The following TEX22 variants were observed in gnomAD, a reference collection of about 807,000 sequenced individuals.
TEX22 encodes the protein testis-expressed protein 22.
A neutral mutation model predicts 11.3 loss-of-function variants in TEX22; 16 were observed. The observed-to-expected ratio is 1.42, with a 90% CI of 0.96 to 2.15. TEX22 has a LOEUF of 2.15. TEX22 is among the 30% of genes most tolerant of loss of function. The pLI, the probability that TEX22 is intolerant of heterozygous loss-of-function variation, is 0.00. For missense variants in TEX22, 220 were observed against 208.6 expected (o/e 1.05, Z -0.34); for synonymous variants, 97 against 92.3 (o/e 1.05, Z -0.29).
At chr14:105,401,906 C>T (rs2081628979) in intron 2 of TEX22, among the ~76,000 whole-genome samples, 1 of 152,178 alleles carries the variant, frequency 6.6e-6, no homozygotes, top group Non-Finnish European at 1.5e-5. Flanking sequence ...AGAAAAATCG[C>T]CAGGTGCGGT....
Position 105,411,425 on chromosome 14 carries a change from G to C in TEX22, c.208G>C (p.Glu70Gln). The C allele has an allele frequency of 8.0e-7, 1 of 1,248,566 alleles. No homozygotes were observed. The highest frequency in any genetic ancestry group is 3.4e-5 in the South Asian group (1 of 29,776). 77.3% of individuals were successfully genotyped at this position (1,248,566 alleles called of 1,614,324 possible). A position where few individuals can be genotyped will look rare whatever the true frequency, so the allele number is the denominator to read the frequency against. The change falls in exon 3 of 4, where the codon GAG becomes CAG. Residue 70 changes from glutamate (E) to glutamine (Q), a missense_variant. Physicochemically the swap from Glu to Gln is conservative, Grantham distance 29. Coordinates refer to ENST00000451127, the MANE Select transcript of TEX22 (RefSeq NM_001195082.2). ...PGRRWSVSID[E>Q]RRRLATLGGR... ...CCGCCGCTGGAGCGTCAGCATCGACGAGCGCCGGCGGCTGGCCACGCTGGG... is the reference window on the plus strand; with the variant it reads ...CCGCCGCTGGAGCGTCAGCATCGACCAGCGCCGGCGGCTGGCCACGCTGGG...
At chr14:105,406,354 G>A (rs1555418871) in intron 2 of TEX22, among the ~76,000 whole-genome samples, 1 of 152,196 alleles carries the variant, frequency 6.6e-6, no homozygotes, top group South Asian at 2.1e-4. Context: ...ACATTCAAAT[G>A]TTTACCAACC....
intron 2 of TEX22, among the ~76,000 whole-genome samples, chr14:105,401,811 A>C (rs1342397463): frequency 6.6e-6 from 1 of 152,168 alleles, no homozygotes; most frequent in Non-Finnish European, 1.5e-5. Context: ...AGCCTGACGG[A>C]GGGGAGCTCT....
chr14:105,407,925 GGTCT>G (rs1274438702), intron 2 of TEX22, among the ~76,000 whole-genome samples: 4 of 147,140 alleles, frequency 2.7e-5, no homozygotes, highest in Admixed American at 6.9e-5. Context: ...TCTGCATGGG[GGTCT>G]GTCTGTGTTA....
chr14:105,406,774 T>C (rs587640146), intron 2 of TEX22, among the ~76,000 whole-genome samples: 3 of 150,906 alleles, frequency 2.0e-5, no homozygotes, highest in Non-Finnish European at 4.4e-5. Context: ...AAGGAAAGAG[T>C]AAGTCTGTTT....
intron 2 of TEX22, among the ~76,000 whole-genome samples, chr14:105,404,440 A>G (rs1595219975): frequency 6.6e-6 from 1 of 152,226 alleles, no homozygotes; most frequent in South Asian, 2.1e-4. Context: ...GGGACGACAC[A>G]GGGGCATGGA....
intron 2 of TEX22, among the ~76,000 whole-genome samples, chr14:105,401,360 A>G (rs587604557): frequency 4.7e-4 from 71 of 152,314 alleles, no homozygotes; most frequent in Non-Finnish European, 7.2e-4. Context: ...TAATACTAAT[A>G]AATTCCAGTA....
intron 2 of TEX22, among the ~76,000 whole-genome samples, chr14:105,405,383 G>T (rs587641411): frequency 2.6e-5 from 4 of 152,120 alleles, no homozygotes; most frequent in African/African-American, 9.7e-5. Flanking sequence ...AAGGAGATAC[G>T]ATGGCAGATA....
Position 105,411,855 on chromosome 14 carries a change from C to T in TEX22, c.*22C>T. On this transcript the variant is annotated 3_prime_UTR_variant, in exon 4 of 4. Coordinates refer to ENST00000451127, the MANE Select transcript of TEX22 (RefSeq NM_001195082.2). ...CTAAGAGCCCCATTCAGCCCATTGTCTGTCTTCCAGTGCCTTTCCTTGGGG... is the reference window on the plus strand; with the variant it reads ...CTAAGAGCCCCATTCAGCCCATTGTTTGTCTTCCAGTGCCTTTCCTTGGGG... 1.4e-6 allele frequency: 2 copies of T among 1,388,320 alleles called. No homozygotes were observed. The highest frequency in any genetic ancestry group is 1.9e-6 in the Non-Finnish European group (2 of 1,066,798). 86.0% of individuals were successfully genotyped at this position (1,388,320 alleles called of 1,614,324 possible).
chr14:105,399,214 C>T, intron 1 of TEX22, 88 bp from the exon 2 acceptor site: 2 of 747,946 alleles, frequency 2.7e-6, no homozygotes, highest in South Asian at 3.6e-5. Flanking sequence ...GCGATACTGC[C>T]ACCATCTGCC....
chr14:105,402,653 G>A (rs587625249), intron 2 of TEX22, among the ~76,000 whole-genome samples: 3 of 152,116 alleles, frequency 2.0e-5, no homozygotes, highest in South Asian at 4.2e-4. Flanking sequence ...CTACTCGGGA[G>A]GCTGAGGCAG....
Position 105,407,766 on chromosome 14 carries a change from G to A in TEX22, c.151-3602G>A, listed in dbSNP as rs782648587. Reference sequence around the variant, plus strand: ...TGTTTTGGAATGTCCATATCAACAGGAGTGTTTTGTTATCCTTTTGCTATT... The same window carrying A: ...TGTTTTGGAATGTCCATATCAACAGAAGTGTTTTGTTATCCTTTTGCTATT... On this transcript the variant is annotated intron_variant, in intron 2 of 3. Transcript: ENST00000451127. Among the ~76,000 whole-genome samples, 5 of 152,234 alleles carry A rather than the reference G, an allele frequency of 3.3e-5. No homozygotes were observed. In the East Asian group the frequency reaches 5.8e-4, roughly 18 times the overall value.
At chr14:105,409,260 GT>G (rs2081675764) in intron 2 of TEX22, among the ~76,000 whole-genome samples, 1 of 151,970 alleles carries the variant, frequency 6.6e-6, no homozygotes, top group Non-Finnish European at 1.5e-5. Context: ...TTTATCCTTT[GT>G]TTTGGTGGAG....
At chr14:105,411,630 T>C in intron 3 of TEX22, 30 bp from the exon 4 acceptor site, 1 of 1,458,542 alleles carries the variant, frequency 6.9e-7, no homozygotes, top group Non-Finnish European at 9.1e-7. Flanking sequence ...TTCCCGCCCC[T>C]CGAGGCTCCC....
chr14:105,411,793 A>T lies in TEX22; in HGVS notation c.413A>T (p.His138Leu). The change falls in exon 4 of 4, where the codon CAT (histidine) becomes CTT (leucine). Residue 138 changes from histidine to leucine, a missense_variant. Transcript: ENST00000451127. ...AFLARSAPFWHNATFEASRSP... is the reference protein window; with the variant it reads ...AFLARSAPFWLNATFEASRSP... ...CTGGCGCGCAGTGCGCCTTTCTGGC[A>T]TAATGCGACTTTCGAGGCCTCGAGG... The T allele has an allele frequency of 6.8e-7, 1 of 1,477,102 alleles. No individual in the cohort carries two copies. The highest frequency in any genetic ancestry group is 9.0e-7 in the Non-Finnish European group (1 of 1,113,246). The allele number at this position is 1,477,102 out of a possible 1,614,324, so 91.5% of individuals were successfully genotyped here. A position where few individuals can be genotyped will look rare whatever the true frequency, so the allele number is the denominator to read the frequency against.
intron 2 of TEX22, among the ~76,000 whole-genome samples, chr14:105,408,000 T>A (rs7492379): frequency 3.9e-5 from 6 of 152,132 alleles, no homozygotes; most frequent in African/African-American, 9.7e-5. Flanking sequence ...CATGTTGAGC[T>A]TGTTTGGGAA....
chr14:105,404,780 C>T (rs1488499521), intron 2 of TEX22, among the ~76,000 whole-genome samples: 1 of 152,190 alleles, frequency 6.6e-6, no homozygotes, highest in Non-Finnish European at 1.5e-5. Flanking sequence ...AGCACACTCT[C>T]ACCTCAGTTC....
In TEX22 at chr14:105,402,573, T is replaced by C. The variant is rs182466190; in HGVS notation, c.150+3083T>C. 3.4e-4 allele frequency among the ~76,000 whole-genome samples: 51 copies of C among 151,642 alleles called. 1 individual carries two copies. In the East Asian group the frequency reaches 9.5e-3, roughly 28 times the overall value. On this transcript the variant is annotated intron_variant, in intron 2 of 3. Coordinates refer to ENST00000451127, the MANE Select transcript of TEX22 (RefSeq NM_001195082.2). ...ATCAAGACCATCCTGGCTAACACGG[T>C]GAAACCCCGTCTCTACTAAAAAATA...
rs148008925 is a variant in TEX22, at chr14:105,404,338, A to G, written c.150+4848A>G. Among the ~76,000 whole-genome samples, 106 of 152,286 alleles carry G rather than the reference A, an allele frequency of 7.0e-4. 2 individuals are homozygous for G. In the East Asian group the frequency reaches 0.019, roughly 28 times the overall value. ...GTGGAGAGAGTGAGCTGAAAGCTGC[A>G]ATGACTTCCATGACTTAACCTTGGA... is the stretch of plus-strand genomic sequence containing the variant. On this transcript the variant is annotated intron_variant, in intron 2 of 3. Coordinates refer to ENST00000451127, the MANE Select transcript of TEX22 (RefSeq NM_001195082.2).
Sources: allele counts gnomAD v4.1 joint callset (sites outside exome capture counted in the v4.1 genomes callset), GRCh38; gene constraint gnomAD v4.1.1; transcripts MANE v1.5; gene names NCBI Gene and HGNC (gene_info 2026-07-23, HGNC 2026-07-21).